PARVG: variants seen among roughly 807,000 people sequenced by gnomAD.
PARVG encodes gamma-parvin.
PARVG carries 36 observed loss-of-function variants against 44.4 expected under a neutral mutation model. The ratio of observed to expected loss-of-function variants is 0.81; its 90% CI spans 0.62 to 1.07. The LOEUF (loss-of-function observed/expected upper bound fraction) is 1.07, where lower values mean the gene tolerates loss of function less well. PARVG is among the 50% of genes least tolerant of loss of function. The pLI is 0.00. For missense variants in PARVG, 407 were observed against 407.4 expected, an observed-to-expected ratio of 1.00 and a Z score of 0.01; for synonymous variants, 170 against 174.1, an observed-to-expected ratio of 0.98 and a Z score of 0.19.
intron 12 of PARVG, 39 bp from the exon 13 acceptor site, chr22:44,205,718 C>A: frequency 6.2e-7 from 1 of 1,611,512 alleles, no homozygotes; most frequent in Middle Eastern, 1.7e-4. Context: ...CCTGGGGCTG[C>A]TGCTTGTGCC....
intron 11 of PARVG, 30 bp downstream of exon 11, chr22:44,196,445 A>G: frequency 5.0e-6 from 8 of 1,612,846 alleles, no homozygotes; most frequent in Non-Finnish European, 6.8e-6. Context: ...GTCCCCAGGC[A>G]GGGCAGGGCC....
chr22:44,198,804 C>A, intron 12 of PARVG, 82 bp downstream of exon 12: 7 of 1,123,162 alleles, frequency 6.2e-6, no homozygotes, highest in Non-Finnish European at 9.4e-6. Flanking sequence ...TCTGTTTATT[C>A]ACTTCCAGGT....
chr22:44,191,938 G>A, intron 7 of PARVG, 111 bp from the exon 8 acceptor site: 1 of 1,239,608 alleles, frequency 8.1e-7, no homozygotes. Flanking sequence ...AGACAATTAA[G>A]CCAGAGGCTG....
At chr22:44,186,618 C>A (rs2054474541) in intron 4 of PARVG, 2 of 471,094 alleles carry the variant, frequency 4.2e-6, no homozygotes, top group Admixed American at 4.7e-5. Flanking sequence ...GGGACACCAT[C>A]TGTGGTCTTG....
intron 7 of PARVG, among the ~76,000 whole-genome samples, chr22:44,191,423 C>T (rs936178879): frequency 1.0e-5 from 1 of 99,404 alleles, no homozygotes; most frequent in Non-Finnish European, 1.8e-5. Context: ...TTTGAGATGG[C>T]GTCTTGCTCT....
At chr22:44,203,878 CTT>C (rs559197385) in intron 12 of PARVG, among the ~76,000 whole-genome samples, 2 of 152,316 alleles carry the variant, frequency 1.3e-5, no homozygotes, top group South Asian at 2.1e-4. Context: ...TTGTTTCGCT[CTT>C]GTCACCCAGG....
chr22:44,200,326 C>T (rs906986519), intron 12 of PARVG, among the ~76,000 whole-genome samples: 1 of 152,214 alleles, frequency 6.6e-6, no homozygotes, highest in African/African-American at 2.4e-5. Context: ...TTGTGCTCTT[C>T]GCCACCAGCT....
chr22:44,198,704 C>A lies in PARVG; in HGVS notation c.795C>A (p.Pro265=), dbSNP rs139152. ...ACTTAAAGGAATTCTACCTCACTCC[C>A]AACTCTCCTGCAGAAATGGTAAGTT... The part of the protein sequence containing the change: ...FLHLKEFYLT[P]NSPAEMLHNV... Residue 265 remains proline, a synonymous_variant, in exon 12 of 14, where the codon CCC becomes CCA. Coordinates refer to ENST00000444313, the MANE Select transcript of PARVG (RefSeq NM_022141.7). The A allele has an allele frequency of 7.4e-6, 12 of 1,611,472 alleles. No individual in the cohort carries two copies. Among genetic ancestry groups the A allele is most frequent in the Non-Finnish European group, 1.0e-5 (12 of 1,177,770 alleles).
At chr22:44,201,437 C>A (rs1337882778) in intron 12 of PARVG, among the ~76,000 whole-genome samples, 5 of 152,130 alleles carry the variant, frequency 3.3e-5, no homozygotes, top group African/African-American at 4.8e-5. Context: ...TCCCTCGCCC[C>A]CACGGGGATG....
chr22:44,175,088 TTC>T (rs1321859754), intron 1 of PARVG, among the ~76,000 whole-genome samples: 1 of 152,238 alleles, frequency 6.6e-6, no homozygotes, highest in Non-Finnish European at 1.5e-5. Context: ...CACCATTGTA[TTC>T]CAGCCTAGGC....
upstream of PARVG, among the ~76,000 whole-genome samples, chr22:44,179,965 T>C (rs2147214594): frequency 6.6e-6 from 1 of 152,316 alleles, no homozygotes; most frequent in East Asian, 1.9e-4. This position sits in a 1 kb window ranked among gnomAD's most constrained non-coding sequence, Gnocchi z 4.2. Context: ...GGTTGAATGC[T>C]TTAGGTTCAC....
intron 1 of PARVG, 117 bp downstream of exon 1, chr22:44,181,302 G>A (rs1249367250): frequency 3.1e-6 from 3 of 983,460 alleles, no homozygotes; most frequent in Non-Finnish European, 3.6e-6. Context: ...TCACTCCTCC[G>A]AGGGCTTGTG....
chr22:44,187,546 C>T (rs2147224147), intron 4 of PARVG: 1 of 590,150 alleles, frequency 1.7e-6, no homozygotes, highest in Non-Finnish European at 3.0e-6. Flanking sequence ...ATAATGACAG[C>T]CCCACACTGC....
intron 1 of PARVG, among the ~76,000 whole-genome samples, chr22:44,174,977 C>A (rs887693530): frequency 6.6e-6 from 1 of 152,088 alleles, no homozygotes; most frequent in African/African-American, 2.4e-5. Flanking sequence ...AAAAAATTAG[C>A]TGGGCGTGGT....
intron 1 of PARVG, chr22:44,181,452 G>A (rs1266454545): frequency 1.1e-6 from 1 of 949,584 alleles, no homozygotes; most frequent in Non-Finnish European, 1.3e-6. Flanking sequence ...GGCGGTGCGG[G>A]ATGGAGGGTG....
chr22:44,199,088 C>T (rs1194352423), intron 12 of PARVG, among the ~76,000 whole-genome samples: 1 of 151,136 alleles, frequency 6.6e-6, no homozygotes, highest in African/African-American at 2.4e-5. Context: ...CATCTATGCA[C>T]CCATCCATTT....
At chr22:44,205,663 TCA>T in intron 12 of PARVG, 92 bp from the exon 13 acceptor site, 2 of 1,462,554 alleles carry the variant, frequency 1.4e-6, no homozygotes, top group South Asian at 2.4e-5. Flanking sequence ...ATGATGGACA[TCA>T]CAGACAACAG....
Position 44,200,850 on chromosome 22 carries a change from C to T in PARVG, c.813+2128C>T, listed in dbSNP as rs187811279. ...CCCCCCTGGACCCCTACCAGACTCCCCCTCCACCTAGGCCCTTCTTCTAGG... is the reference window on the plus strand; with the variant it reads ...CCCCCCTGGACCCCTACCAGACTCCTCCTCCACCTAGGCCCTTCTTCTAGG... On this transcript the variant is annotated intron_variant, in intron 12 of 13. Coordinates refer to ENST00000444313, the MANE Select transcript of PARVG (RefSeq NM_022141.7). Among the ~76,000 whole-genome samples, 363 of 152,216 alleles carry T rather than the reference C, an allele frequency of 2.4e-3. 1 individual carries two copies. Among genetic ancestry groups the T allele is most frequent in the African/African-American group, 7.6e-3 (315 of 41,530 alleles).
intron 12 of PARVG, among the ~76,000 whole-genome samples, chr22:44,202,841 A>G (rs1480642428): frequency 6.6e-6 from 1 of 152,178 alleles, no homozygotes; most frequent in African/African-American, 2.4e-5. Context: ...GAAGTTAAGG[A>G]TGGAGGGAGA....
Sources: gnomAD v4.1 joint callset for allele counts (sites outside exome capture counted in the v4.1 genomes callset) on GRCh38, gnomAD v4.1.1 for gene constraint, Gnocchi (gnomAD v3.1) non-coding constraint, MANE v1.5 for transcripts, NCBI Gene and HGNC (gene_info 2026-07-23, HGNC 2026-07-21) for gene names.